SCHIP1: variants seen among roughly 807,000 people sequenced by gnomAD.
SCHIP1 encodes the protein schwannomin interacting protein 1, also known as schwannomin-interacting protein 1.
A neutral mutation model predicts 29.7 loss-of-function variants in SCHIP1; 8 were observed. The observed-to-expected ratio is 0.27, with a 90% CI of 0.16 to 0.49. SCHIP1 has a LOEUF of 0.49. Ranked by LOEUF, SCHIP1 falls within the 20% of genes least tolerant of loss-of-function variation. The pLI is 0.99. For missense variants in SCHIP1, 193 were observed against 294.6 expected (o/e 0.66, Z 2.52); for synonymous variants, 76 against 94.9 (o/e 0.80, Z 1.16).
At chr3:159,722,080 A>G in the SCHIP1 span, 1 of 371,044 alleles carries the variant, frequency 2.7e-6, no homozygotes, top group Non-Finnish European at 5.2e-6. Flanking sequence ...GCAGAAAACA[A>G]TGTCCCCAGT....
At chr3:159,673,978 CCT>C in the SCHIP1 span, among the ~76,000 whole-genome samples, 3 of 152,150 alleles carry the variant, frequency 2.0e-5, no homozygotes, top group Non-Finnish European at 4.4e-5. Context: ...CCTGGTACCC[CCT>C]GTTATGAAAG....
At chr3:159,622,976 C>A in the SCHIP1 span, among the ~76,000 whole-genome samples, 1 of 152,074 alleles carries the variant, frequency 6.6e-6, no homozygotes, top group African/African-American at 2.4e-5. Flanking sequence ...GATAGGTGTG[C>A]ATACACAAAT....
At chr3:159,868,633 C>T (rs571439246) in intron 2 of SCHIP1, among the ~76,000 whole-genome samples, 3 of 152,080 alleles carry the variant, frequency 2.0e-5, no homozygotes, top group Non-Finnish European at 4.4e-5. Flanking sequence ...TGCCTCCTTT[C>T]TCCCCATGTT....
chr3:159,555,643 A>C, the SCHIP1 span, among the ~76,000 whole-genome samples: 1 of 151,984 alleles, frequency 6.6e-6, no homozygotes, highest in Admixed American at 6.6e-5. Flanking sequence ...TGATTTTTTA[A>C]ATTTGACTTT....
chr3:159,690,648 T>G, the SCHIP1 span, among the ~76,000 whole-genome samples: 1 of 152,232 alleles, frequency 6.6e-6, no homozygotes, highest in Non-Finnish European at 1.5e-5. Flanking sequence ...GTTTTGAATT[T>G]GTTTGCTTTT....
At chr3:159,346,548 T>G in the SCHIP1 span, among the ~76,000 whole-genome samples, 4 of 152,268 alleles carry the variant, frequency 2.6e-5, no homozygotes, top group East Asian at 7.7e-4. Context: ...AGAGAGCAGT[T>G]TTAAGAAGAG....
At chr3:159,284,725 G>A in the SCHIP1 span, among the ~76,000 whole-genome samples, 188 of 152,186 alleles carry the variant, frequency 1.2e-3, no homozygotes, top group African/African-American at 4.5e-3. Flanking sequence ...TCGAACTTGT[G>A]ACCTCAGATG....
At chr3:159,688,778 A>C in the SCHIP1 span, among the ~76,000 whole-genome samples, 1 of 152,054 alleles carries the variant, frequency 6.6e-6, no homozygotes, top group Non-Finnish European at 1.5e-5. Context: ...TTTTGTATAA[A>C]GCGTAAGGAA....
At chr3:159,748,699 A>G in the SCHIP1 span, among the ~76,000 whole-genome samples, 1 of 152,236 alleles carries the variant, frequency 6.6e-6, no homozygotes, top group African/African-American at 2.4e-5. Flanking sequence ...TTCCTAGGTA[A>G]TAGACTCATT....
At chr3:159,828,377 A>T in the SCHIP1 span, among the ~76,000 whole-genome samples, 4 of 73,668 alleles carry the variant, frequency 5.4e-5, 1 homozygote, top group African/African-American at 2.7e-4. Context: ...ATATATATAC[A>T]TATATATATA....
chr3:159,336,823 C>A, the SCHIP1 span, among the ~76,000 whole-genome samples: 1 of 152,150 alleles, frequency 6.6e-6, no homozygotes, highest in Non-Finnish European at 1.5e-5. Context: ...CTTGGCAATG[C>A]AGGCTCTTTT....
At chr3:159,587,809 T>C in the SCHIP1 span, among the ~76,000 whole-genome samples, 1 of 152,244 alleles carries the variant, frequency 6.6e-6, no homozygotes, top group East Asian at 1.9e-4. Context: ...CATCCTTTTT[T>C]ATGGCTGCAT....
chr3:159,623,518 A>G, the SCHIP1 span, among the ~76,000 whole-genome samples: 2 of 152,066 alleles, frequency 1.3e-5, no homozygotes, highest in Non-Finnish European at 2.9e-5. Context: ...CCCAGCTACC[A>G]AGGAGGCTGA....
the SCHIP1 span, among the ~76,000 whole-genome samples, chr3:159,412,838 C>G: frequency 6.6e-6 from 1 of 152,148 alleles, no homozygotes; most frequent in Admixed American, 6.5e-5. Context: ...TGGGTCCAGG[C>G]TGAACTAGGA....
the SCHIP1 span, among the ~76,000 whole-genome samples, chr3:159,588,844 C>T: frequency 6.6e-6 from 1 of 152,168 alleles, no homozygotes; most frequent in South Asian, 2.1e-4. Context: ...GTACCAGTAC[C>T]ATGCTGTTTT....
chr3:159,668,122 C>T, the SCHIP1 span, among the ~76,000 whole-genome samples: 3 of 152,044 alleles, frequency 2.0e-5, no homozygotes, highest in African/African-American at 7.2e-5. Context: ...GTAATCCCAG[C>T]ACTTTGGGAG....
the SCHIP1 span, among the ~76,000 whole-genome samples, chr3:159,680,697 A>ATACATATATAATATATGT: frequency 4.5e-4 from 3 of 6,594 alleles, no homozygotes; most frequent in Non-Finnish European, 1.2e-3. Flanking sequence ...GTATATATAT[A>ATACATATATAATATATGT]ATATATATTA....
At chr3:159,484,147 T>G in the SCHIP1 span, among the ~76,000 whole-genome samples, 1,246 of 152,316 alleles carry the variant, frequency 8.2e-3, 16 homozygotes, top group African/African-American at 0.028. Context: ...GAGTTTATAC[T>G]GTACTCCAAT....
the SCHIP1 span, among the ~76,000 whole-genome samples, chr3:159,698,835 G>A: frequency 3.3e-5 from 5 of 151,840 alleles, no homozygotes; most frequent in South Asian, 2.1e-4. Flanking sequence ...TGGTAGAGAC[G>A]GGGTTGCTCC....
Sources: gnomAD v4.1 joint callset for allele counts (sites outside exome capture counted in the v4.1 genomes callset) on GRCh38, gnomAD v4.1.1 for gene constraint, MANE v1.5 for transcripts, NCBI Gene and HGNC (gene_info 2026-07-23, HGNC 2026-07-21) for gene names.